CASP6: variants seen among roughly 807,000 people sequenced by gnomAD.
CASP6 encodes the protein caspase-6.
Under a neutral mutation model 31.8 loss-of-function variants are expected in CASP6, and 20 were observed. The observed-to-expected ratio is 0.63, with a 90% CI of 0.44 to 0.91. CASP6 has a LOEUF of 0.91. Ranked by LOEUF, CASP6 falls within the 40% of genes least tolerant of loss-of-function variation. The pLI, the probability that CASP6 is intolerant of heterozygous loss-of-function variation, is 0.00. For synonymous variants in CASP6, 130 were observed against 127.8 expected (o/e 1.02, Z -0.12); for missense variants, 328 against 361.1 (o/e 0.91, Z 0.74).
chr4:109,669,497 T>A, the CASP6 span, among the ~76,000 whole-genome samples: 1 of 152,130 alleles, frequency 6.6e-6, no homozygotes, highest in Non-Finnish European at 1.5e-5. Flanking sequence ...GTATGTGTAG[T>A]TTTCTCTTGG....
At chr4:109,685,230 C>T (rs748621815), downstream of CASP6, 6 of 915,090 alleles carry the variant, frequency 6.6e-6, no homozygotes, top group African/African-American at 2.7e-5. Flanking sequence ...TTGTTTTCTT[C>T]TCTCTCTCTT....
the CASP6 span, among the ~76,000 whole-genome samples, chr4:109,670,235 C>G: frequency 3.3e-5 from 5 of 151,850 alleles, no homozygotes; most frequent in Non-Finnish European, 7.4e-5. Context: ...AGCCTGTACC[C>G]CTGGACTTAG....
chr4:109,679,249 G>A, the CASP6 span, among the ~76,000 whole-genome samples: 1,003 of 152,290 alleles, frequency 6.6e-3, 12 homozygotes, highest in African/African-American at 0.023. Flanking sequence ...ACGGGGTGGC[G>A]GCCAGGCAGA....
At chr4:109,687,594 C>T, downstream of CASP6, 1 of 1,593,030 alleles carries the variant, frequency 6.3e-7, no homozygotes, top group Non-Finnish European at 8.6e-7. Context: ...AAGAATTAAT[C>T]TTACAGTTTT....
chr4:109,681,837 G>T, the CASP6 span, among the ~76,000 whole-genome samples: 1 of 152,234 alleles, frequency 6.6e-6, no homozygotes, highest in Non-Finnish European at 1.5e-5. Context: ...CGAAAGCTCA[G>T]CTCGAGCAGT....
At chr4:109,697,484 C>A in intron 3 of CASP6, 138 bp downstream of exon 3, 1 of 929,754 alleles carries the variant, frequency 1.1e-6, no homozygotes, top group Non-Finnish European at 1.6e-6. Context: ...CCAGACTTGT[C>A]TCAAACTCCT....
At chr4:109,666,940 C>T in the CASP6 span, among the ~76,000 whole-genome samples, 5,866 of 152,194 alleles carry the variant, frequency 0.039, 403 homozygotes, top group African/African-American at 0.14. Flanking sequence ...ATAAATCCCA[C>T]TTAGTTGTGG....
chr4:109,691,232 C>A (rs1467291587), intron 5 of CASP6, among the ~76,000 whole-genome samples: 1 of 152,166 alleles, frequency 6.6e-6, no homozygotes, highest in Non-Finnish European at 1.5e-5. Context: ...AAATTGGCAT[C>A]CCCAAGTATA....
chr4:109,689,689 C>T, intron 6 of CASP6, 121 bp from the exon 7 acceptor site: 1 of 869,570 alleles, frequency 1.1e-6, no homozygotes, highest in South Asian at 1.8e-5. Flanking sequence ...AAGATGTGTC[C>T]ATGATATAAA....
At chr4:109,677,541 G>C in the CASP6 span, among the ~76,000 whole-genome samples, 117 of 152,194 alleles carry the variant, frequency 7.7e-4, no homozygotes, top group Non-Finnish European at 1.5e-3. Context: ...ATGCAAAGCT[G>C]TTGGGAAGTG....
intron 1 of CASP6, among the ~76,000 whole-genome samples, chr4:109,702,159 G>T (rs547715888): frequency 1.3e-5 from 2 of 152,286 alleles, no homozygotes; most frequent in East Asian, 3.9e-4. Flanking sequence ...CGCCCCTAGA[G>T]ACTGCAACTG....
Position 109,703,416 on chromosome 4 carries a change from G to C in CASP6, c.-21C>G, listed in dbSNP as rs773579340. On this transcript the variant is annotated 5_prime_UTR_variant, in exon 1 of 7. Coordinates refer to ENST00000265164, the MANE Select transcript of CASP6 (RefSeq NM_001226.4). ...CTCATTGCAGCCAAACGCGCAGCCA[G>C]ACACCTTGCCCTCCTCTTCCTGAAG... 4.3e-6 allele frequency: 7 copies of C among 1,610,624 alleles called. No homozygotes were observed. The highest frequency in any genetic ancestry group is 2.7e-5 in the African/African-American group (2 of 74,866).
upstream of CASP6, among the ~76,000 whole-genome samples, chr4:109,705,286 A>G (rs1730563965): frequency 6.6e-6 from 1 of 152,244 alleles, no homozygotes; most frequent in Admixed American, 6.5e-5. Flanking sequence ...GGCTTAGAGA[A>G]TATTTAAAGC....
At chr4:109,689,710 AT>A in intron 6 of CASP6, 142 bp from the exon 7 acceptor site, 5 of 694,810 alleles carry the variant, frequency 7.2e-6, no homozygotes, top group Admixed American at 2.7e-5. Flanking sequence ...TGGCTTTTAA[AT>A]TTTTTTGACT....
the CASP6 span, among the ~76,000 whole-genome samples, chr4:109,672,588 A>G: frequency 6.6e-6 from 1 of 152,238 alleles, no homozygotes; most frequent in Non-Finnish European, 1.5e-5. Flanking sequence ...TCAACAAATA[A>G]TAGAAGGCTC....
At chr4:109,672,501 T>TA in the CASP6 span, among the ~76,000 whole-genome samples, 1 of 152,348 alleles carries the variant, frequency 6.6e-6, no homozygotes, top group Middle Eastern at 3.4e-3. Context: ...CAGTAAGCTA[T>TA]AATTATAGAC....
chr4:109,694,434 G>A, intron 5 of CASP6, 91 bp downstream of exon 5: 1 of 1,208,308 alleles, frequency 8.3e-7, no homozygotes, highest in Non-Finnish European at 1.1e-6. Context: ...AATTACTGGA[G>A]AAAGTTACTT....
chr4:109,708,280 A>C (rs1730659700), upstream of CASP6, among the ~76,000 whole-genome samples: 1 of 152,238 alleles, frequency 6.6e-6, no homozygotes, highest in African/African-American at 2.4e-5. Flanking sequence ...CCTGCAACAA[A>C]GACATGGAAT....
At chr4:109,682,800 C>G in the CASP6 span, 1 of 1,327,794 alleles carries the variant, frequency 7.5e-7, no homozygotes, top group Non-Finnish European at 1.0e-6. Context: ...TTATTGAGTG[C>G]TCCTCATGTG....
Sources: gnomAD v4.1 joint callset for allele counts (sites outside exome capture counted in the v4.1 genomes callset) on GRCh38, gnomAD v4.1.1 for gene constraint, MANE v1.5 for transcripts, NCBI Gene and HGNC (gene_info 2026-07-23, HGNC 2026-07-21) for gene names.